SVOPL: variants seen among roughly 807,000 people sequenced by gnomAD.
SVOPL encodes the protein SVOP like, also known as putative transporter SVOPL.
A neutral mutation model predicts 61.0 loss-of-function variants in SVOPL; 60 were observed. The observed-to-expected ratio is 0.98, with a 90% confidence interval of 0.80 to 1.22. The LOEUF (loss-of-function observed/expected upper bound fraction) is 1.22. Among genes scored for constraint, SVOPL ranks in the 50% most tolerant of loss-of-function variants. The pLI is 0.00. For missense variants in SVOPL, 662 were observed against 643.9 expected, an observed-to-expected ratio of 1.03 and a Z score of -0.30; for synonymous variants, 279 against 250.0, an observed-to-expected ratio of 1.12 and a Z score of -1.09.
chr7:138,660,897 G>A, intron 5 of SVOPL: 2 of 985,140 alleles, frequency 2.0e-6, no homozygotes, highest in Non-Finnish European at 2.4e-6. Flanking sequence ...CAACGGTGCA[G>A]GACTCTTTAA....
chr7:138,621,164 T>G, intron 13 of SVOPL, 29 bp from the exon 14 acceptor site: 1 of 1,596,258 alleles, frequency 6.3e-7, no homozygotes, highest in Non-Finnish European at 8.6e-7. Context: ...AAAGTACCAG[T>G]CAGATAATGT....
At chr7:138,697,371 A>G (rs1274192256) in intron 1 of SVOPL, among the ~76,000 whole-genome samples, 1 of 152,086 alleles carries the variant, frequency 6.6e-6, no homozygotes, top group African/African-American at 2.4e-5. Flanking sequence ...ATAAGCCACA[A>G]ATTACAAGAC....
chr7:138,670,129 C>A (rs970538820), intron 4 of SVOPL, among the ~76,000 whole-genome samples: 3 of 152,176 alleles, frequency 2.0e-5, no homozygotes, highest in African/African-American at 7.2e-5. Context: ...TCTGCCCTAA[C>A]CAAATCCATT....
At chr7:138,607,342 A>T (rs1367642146) in intron 14 of SVOPL, among the ~76,000 whole-genome samples, 1 of 152,210 alleles carries the variant, frequency 6.6e-6, no homozygotes, top group Non-Finnish European at 1.5e-5. Flanking sequence ...AAGAAACTAT[A>T]AGGGTCTAAT....
intron 14 of SVOPL, among the ~76,000 whole-genome samples, chr7:138,603,301 A>G (rs1173024299): frequency 6.6e-6 from 1 of 152,256 alleles, no homozygotes; most frequent in Non-Finnish European, 1.5e-5. Context: ...CTCCAAGTAA[A>G]GAAACCTATG....
intron 9 of SVOPL, 151 bp downstream of exon 9, chr7:138,644,566 T>A (rs1006768153): frequency 1.4e-5 from 16 of 1,150,236 alleles, no homozygotes; most frequent in Non-Finnish European, 1.9e-5. Context: ...ACAGTGAAAA[T>A]GAATGTAGCC....
intron 8 of SVOPL, among the ~76,000 whole-genome samples, chr7:138,648,506 G>A (rs796858834): frequency 2.0e-4 from 29 of 142,370 alleles, no homozygotes; most frequent in African/African-American, 7.2e-4. Context: ...TCGAGACCAC[G>A]GTGAAACACT....
intron 1 of SVOPL, among the ~76,000 whole-genome samples, chr7:138,693,581 G>A (rs1351929632): frequency 2.5e-5 from 2 of 80,834 alleles, no homozygotes; most frequent in Non-Finnish European, 5.4e-5. Flanking sequence ...AAGAAAAAAG[G>A]AAAGAAAGAA....
chr7:138,623,032 G>T (rs1275603335), intron 13 of SVOPL, among the ~76,000 whole-genome samples: 2 of 152,080 alleles, frequency 1.3e-5, no homozygotes, highest in African/African-American at 4.8e-5. Flanking sequence ...CCACATCTTT[G>T]CCACCATCTG....
At chr7:138,700,147 T>C (rs79980150) in intron 1 of SVOPL, among the ~76,000 whole-genome samples, 5,912 of 152,134 alleles carry the variant, frequency 0.039, 364 homozygotes, top group African/African-American at 0.14. Flanking sequence ...AGTTAGCATA[T>C]ATATGAAATG....
At chr7:138,679,436 A>AT (rs1165231415) in intron 1 of SVOPL, among the ~76,000 whole-genome samples, 1 of 151,556 alleles carries the variant, frequency 6.6e-6, no homozygotes, top group Non-Finnish European at 1.5e-5. Flanking sequence ...TGCCTGGCTA[A>AT]TTTTTTTTGT....
At position 138,659,974 on chromosome 7, in the gene SVOPL, C is replaced by T. The variant is rs370024245; in HGVS notation, c.360G>A (p.Ser120=). The change falls in exon 6 of 16, where the codon TCG becomes TCA. Residue 120 remains serine (S), a synonymous_variant. Coordinates refer to ENST00000674285, the MANE Select transcript of SVOPL (RefSeq NM_001139456.2). The stretch of plus-strand genomic sequence containing the variant: ...AGGAGAAATAGGCTCCCCACAGGAA[C>T]GAGATGAGCAGAATCTGAAGCAACA... The part of the protein sequence containing the change: ...RYGRWKILLI[S]FLWGAYFSLL... The T allele has an allele frequency of 4.5e-6, 7 of 1,551,312 alleles. No homozygotes were observed. Among genetic ancestry groups the T allele is most frequent in the East Asian group, 2.4e-5 (1 of 40,892 alleles).
intron 12 of SVOPL, among the ~76,000 whole-genome samples, chr7:138,626,851 GA>G (rs58498689): frequency 0.78 from 115,580 of 148,502 alleles, 45,362 homozygotes; most frequent in Middle Eastern, 0.86. Context: ...CTGTCTCAAA[GA>G]AAAAAAAAAA....
chr7:138,641,541 G>A (rs913268444), intron 9 of SVOPL, among the ~76,000 whole-genome samples: 1 of 151,566 alleles, frequency 6.6e-6, no homozygotes, highest in African/African-American at 2.4e-5. Flanking sequence ...CATGATGGCA[G>A]GCGCCTGTAA....
At chr7:138,667,241 T>C (rs1802288420) in intron 4 of SVOPL, among the ~76,000 whole-genome samples, 1 of 152,178 alleles carries the variant, frequency 6.6e-6, no homozygotes, top group South Asian at 2.1e-4. Context: ...TGCTTTACAA[T>C]CTTATGTCAA....
intron 1 of SVOPL, chr7:138,689,545 G>C: frequency 4.0e-5 from 18 of 452,528 alleles, no homozygotes; most frequent in East Asian, 4.4e-5. Flanking sequence ...TAAAATAAAT[G>C]AAATTAAAAG....
At chr7:138,653,495 C>A (rs75287190) in intron 7 of SVOPL, among the ~76,000 whole-genome samples, 1 of 152,060 alleles carries the variant, frequency 6.6e-6, no homozygotes, top group African/African-American at 2.4e-5. Flanking sequence ...ATCCTAGGGC[C>A]CTTAAGAATT....
At chr7:138,614,487 C>G (rs530731745) in intron 14 of SVOPL, among the ~76,000 whole-genome samples, 198 of 151,706 alleles carry the variant, frequency 1.3e-3, no homozygotes, top group African/African-American at 4.6e-3. Context: ...CCTCCGCCTC[C>G]TGGGTTCAAG....
At chr7:138,648,932 A>G (rs1189559422) in intron 8 of SVOPL, 80 bp downstream of exon 8, 1 of 1,591,502 alleles carries the variant, frequency 6.3e-7, no homozygotes, top group Non-Finnish European at 8.6e-7. Flanking sequence ...GAGGGGGAAA[A>G]TAAAAGATAT....
Sources: allele counts gnomAD v4.1 joint callset (sites outside exome capture counted in the v4.1 genomes callset), GRCh38; gene constraint gnomAD v4.1.1; transcripts MANE v1.5; gene names NCBI Gene and HGNC (gene_info 2026-07-23, HGNC 2026-07-21).